The following STXBP4 variants were observed in gnomAD, a reference collection of about 807,000 sequenced individuals.
STXBP4 encodes the protein syntaxin-binding protein 4.
A neutral mutation model predicts 76.1 loss-of-function variants in STXBP4; 55 were observed. The observed-to-expected ratio is 0.72, with a 90% CI of 0.58 to 0.91. The LOEUF (loss-of-function observed/expected upper bound fraction) is 0.91. STXBP4 is among the 40% of genes least tolerant of loss of function. The pLI is 0.00. For synonymous variants in STXBP4, 201 were observed against 220.2 expected (o/e 0.91, Z 0.77); for missense variants, 618 against 636.9 (o/e 0.97, Z 0.32).
chr17:55,193,132 G>A, the STXBP4 span, among the ~76,000 whole-genome samples: 54 of 152,304 alleles, frequency 3.5e-4, no homozygotes, highest in African/African-American at 1.2e-3. Flanking sequence ...CAGATAGGTG[G>A]CATATATTTT....
chr17:55,119,120 T>G (rs1277085187), intron 16 of STXBP4, among the ~76,000 whole-genome samples: 1 of 152,006 alleles, frequency 6.6e-6, no homozygotes, highest in Non-Finnish European at 1.5e-5. Context: ...ACTTGCCAGA[T>G]TAGCCAACTC....
chr17:55,007,181 A>G (rs1446172020), intron 7 of STXBP4, among the ~76,000 whole-genome samples: 1 of 151,830 alleles, frequency 6.6e-6, no homozygotes, highest in Non-Finnish European at 1.5e-5. Flanking sequence ...CTAACTAAAT[A>G]TACAAAAATT....
intron 8 of STXBP4, among the ~76,000 whole-genome samples, chr17:55,020,294 A>G (rs997875138): frequency 6.6e-6 from 1 of 152,126 alleles, no homozygotes; most frequent in Non-Finnish European, 1.5e-5. Context: ...GCTATTTCAC[A>G]TATTCATTGA....
the STXBP4 span, among the ~76,000 whole-genome samples, chr17:55,188,972 G>A: frequency 2.6e-5 from 4 of 152,056 alleles, no homozygotes; most frequent in African/African-American, 9.7e-5. Context: ...TTCCAGACCT[G>A]TTCATTCTCC....
At chr17:55,055,566 T>C (rs528843283) in intron 12 of STXBP4, among the ~76,000 whole-genome samples, 106 of 152,294 alleles carry the variant, frequency 7.0e-4, no homozygotes, top group African/African-American at 2.0e-3. Context: ...GTTTTAAAAC[T>C]GCACTTAGAA....
At chr17:55,074,165 T>A (rs1365622152) in intron 13 of STXBP4, among the ~76,000 whole-genome samples, 1 of 152,194 alleles carries the variant, frequency 6.6e-6, no homozygotes, top group Non-Finnish European at 1.5e-5. Context: ...TTTATGACTA[T>A]TTAAACATTA....
chr17:55,086,326 A>G (rs1263007192), intron 16 of STXBP4, among the ~76,000 whole-genome samples: 1 of 152,182 alleles, frequency 6.6e-6, no homozygotes, highest in African/African-American at 2.4e-5. Context: ...TGATACACAT[A>G]ATATACAATA....
At chr17:55,193,815 G>GAAA in the STXBP4 span, among the ~76,000 whole-genome samples, 478 of 105,830 alleles carry the variant, frequency 4.5e-3, 25 homozygotes, top group Middle Eastern at 0.011. Flanking sequence ...CCTGATTTCA[G>GAAA]AAAAAAAAAA....
At chr17:55,120,187 C>T (rs2145087149) in intron 16 of STXBP4, among the ~76,000 whole-genome samples, 1 of 152,306 alleles carries the variant, frequency 6.6e-6, no homozygotes, top group African/African-American at 2.4e-5. Flanking sequence ...TTTAATACTG[C>T]TACCTTTTAA....
At chr17:55,196,542 T>C in the STXBP4 span, among the ~76,000 whole-genome samples, 1 of 152,246 alleles carries the variant, frequency 6.6e-6, no homozygotes, top group Non-Finnish European at 1.5e-5. Flanking sequence ...CCATAGAGAA[T>C]TGATCACGTA....
At chr17:55,149,090 C>A (rs958243209) in intron 17 of STXBP4, among the ~76,000 whole-genome samples, 1 of 152,142 alleles carries the variant, frequency 6.6e-6, no homozygotes, top group South Asian at 2.1e-4. Flanking sequence ...AATGAAGAAA[C>A]CAACAGAGGA....
At chr17:55,095,025 G>T in intron 16 of STXBP4, among the ~76,000 whole-genome samples, 1 of 152,294 alleles carries the variant, frequency 6.6e-6, no homozygotes, top group East Asian at 1.9e-4. Context: ...GGCACAGCTA[G>T]ACAAGCAAGA....
intron 17 of STXBP4, among the ~76,000 whole-genome samples, chr17:55,143,958 G>A (rs1416413461): frequency 6.7e-6 from 1 of 150,194 alleles, no homozygotes; most frequent in African/African-American, 2.4e-5. Flanking sequence ...TAATAAAATT[G>A]CAGAGCCAAG....
At chr17:55,026,975 G>A (rs1356551410) in intron 8 of STXBP4, among the ~76,000 whole-genome samples, 2 of 152,148 alleles carry the variant, frequency 1.3e-5, no homozygotes, top group African/African-American at 4.8e-5. Flanking sequence ...ATGACCTGGG[G>A]CAGTTTTGAT....
chr17:55,084,168 C>A (rs1188790184), intron 16 of STXBP4, among the ~76,000 whole-genome samples: 6 of 152,004 alleles, frequency 3.9e-5, no homozygotes, highest in Non-Finnish European at 8.8e-5. Context: ...TTAATGATTG[C>A]CATTCTAACT....
At chr17:55,197,761 A>G in the STXBP4 span, among the ~76,000 whole-genome samples, 4 of 152,110 alleles carry the variant, frequency 2.6e-5, no homozygotes, top group Admixed American at 2.6e-4. Context: ...AAAAGAAGAA[A>G]AAAGAAAAAA....
chr17:55,111,170 A>G (rs989664969), intron 16 of STXBP4, among the ~76,000 whole-genome samples: 3 of 152,140 alleles, frequency 2.0e-5, no homozygotes, highest in African/African-American at 7.2e-5. Flanking sequence ...AGTAGCCTTC[A>G]ATACATAAAT....
chr17:55,000,867 G>A lies in STXBP4; in HGVS notation c.558G>A (p.Val186=), dbSNP rs146852837. The part of the protein sequence containing the change: ...QIPITSENST[V]GLSNTDVASA... ...CAATTACTTCAGAAAACAGTACTGTGGGTTTGTCTAATACAGGTAAATACA... is the reference window on the plus strand; with the variant it reads ...CAATTACTTCAGAAAACAGTACTGTAGGTTTGTCTAATACAGGTAAATACA... The change falls in exon 7 of 18, where the codon GTG becomes GTA. Residue 186 remains valine, a synonymous_variant. Coordinates refer to ENST00000376352, the MANE Select transcript of STXBP4 (RefSeq NM_178509.6). The A allele has an allele frequency of 9.8e-5, 157 of 1,605,934 alleles. No homozygotes were observed. The highest frequency in any genetic ancestry group is 1.7e-4 in the Middle Eastern group (1 of 6,014).
At chr17:55,057,188 G>A (rs1233194303) in intron 12 of STXBP4, among the ~76,000 whole-genome samples, 3 of 152,160 alleles carry the variant, frequency 2.0e-5, no homozygotes, top group East Asian at 1.9e-4. Flanking sequence ...TCTGGTTACT[G>A]AATAATAGAT....
Sources: allele counts gnomAD v4.1 joint callset (sites outside exome capture counted in the v4.1 genomes callset), GRCh38; gene constraint gnomAD v4.1.1; transcripts MANE v1.5; gene names NCBI Gene and HGNC (gene_info 2026-07-23, HGNC 2026-07-21).